The following CPLX4 variants were observed in gnomAD, a reference collection of about 807,000 sequenced individuals.
CPLX4 encodes complexin-4.
In CPLX4, 17 loss-of-function variants were observed where a neutral mutation model predicts 16.1. The ratio of observed to expected loss-of-function variants is 1.06; its 90% CI spans 0.72 to 1.59. The LOEUF is 1.59. CPLX4 is among the 40% of genes most tolerant of loss of function. The pLI is 0.00. For missense variants in CPLX4, 193 were observed against 192.9 expected, an observed-to-expected ratio of 1.00 and a Z score of 0.00; for synonymous variants, 55 against 57.8, an observed-to-expected ratio of 0.95 and a Z score of 0.22.
At chr18:59,318,206 G>C in intron 1 of CPLX4, 90 bp downstream of exon 1, 1 of 1,456,504 alleles carries the variant, frequency 6.9e-7, no homozygotes, top group Non-Finnish European at 9.0e-7. Context: ...ATCTTAAAAA[G>C]CAAAGAGAAA....
At chr18:59,304,588 A>G (rs949958112) in intron 2 of CPLX4, among the ~76,000 whole-genome samples, 6 of 151,796 alleles carry the variant, frequency 4.0e-5, no homozygotes, top group Non-Finnish European at 7.4e-5. Context: ...ATTTTATTTT[A>G]TTGAGATGGA....
At chr18:59,306,876 G>C (rs1394089706) in intron 2 of CPLX4, among the ~76,000 whole-genome samples, 1 of 152,190 alleles carries the variant, frequency 6.6e-6, no homozygotes, top group Non-Finnish European at 1.5e-5. Flanking sequence ...TTAGCTGGAG[G>C]ACATGTTAAA....
intron 2 of CPLX4, among the ~76,000 whole-genome samples, chr18:59,298,096 T>A (rs940813296): frequency 1.6e-4 from 22 of 134,794 alleles, no homozygotes; most frequent in Non-Finnish European, 2.7e-4. Context: ...TTCCTTTATT[T>A]TTTTTTTTTT....
intron 1 of CPLX4, among the ~76,000 whole-genome samples, chr18:59,317,593 C>G (rs950089400): frequency 2.6e-5 from 4 of 152,018 alleles, no homozygotes; most frequent in African/African-American, 9.7e-5. Context: ...TACATGACAT[C>G]TGTAATTTAC....
Position 59,313,172 on chromosome 18 carries a change from G to GGGGAAGCTACATTTTT in CPLX4, c.168-416_168-401dup, listed in dbSNP as rs1430839692. ...CATCAGAATCTCTGGGTGCAGGGGA[G>GGGGAAGCTACATTTTT]GGGAAGCTACATTTTTAGCAAGCTC... On this transcript the variant is annotated intron_variant, in intron 1 of 2. Transcript: ENST00000299721. 2.0e-5 allele frequency among the ~76,000 whole-genome samples: 3 copies of GGGGAAGCTACATTTTT among 152,152 alleles called. No homozygotes were observed. In the East Asian group the frequency reaches 5.8e-4, roughly 29 times the overall value.
intron 2 of CPLX4, among the ~76,000 whole-genome samples, chr18:59,297,640 C>CA (rs1418361544): frequency 6.6e-6 from 1 of 152,184 alleles, no homozygotes; most frequent in Non-Finnish European, 1.5e-5. Context: ...AAAGCTGGGG[C>CA]ATCACACCCC....
At chr18:59,312,276 T>A (rs1222992426) in intron 2 of CPLX4, among the ~76,000 whole-genome samples, 1 of 152,058 alleles carries the variant, frequency 6.6e-6, no homozygotes, top group Non-Finnish European at 1.5e-5. Context: ...AACTCCAGTT[T>A]TTTTTAGCAA....
At chr18:59,298,341 A>T (rs964289218) in intron 2 of CPLX4, among the ~76,000 whole-genome samples, 1 of 152,160 alleles carries the variant, frequency 6.6e-6, no homozygotes, top group Non-Finnish European at 1.5e-5. Context: ...GGAAAGGTTA[A>T]CAGTAGCTTA....
intron 2 of CPLX4, among the ~76,000 whole-genome samples, chr18:59,304,417 G>C (rs1262541782): frequency 6.6e-6 from 1 of 151,974 alleles, no homozygotes; most frequent in Admixed American, 6.6e-5. Flanking sequence ...GAAGAAATAT[G>C]GTGTTTTAAT....
chr18:59,296,235 G>T lies in CPLX4; in HGVS notation c.*463C>A. On this transcript the variant is annotated 3_prime_UTR_variant, in exon 3 of 3. Transcript: ENST00000299721. ...GGGGGTGGTGACCTTTGATTGCCCT[G>T]GAGTCTGTAGACTCAGCTCCCTGTG... The T allele has an allele frequency of 5.2e-6, 1 of 193,222 alleles. No individual in the cohort carries two copies. The highest frequency in any genetic ancestry group is 2.4e-5 in the African/African-American group (1 of 41,742). The allele number at this position is 193,222 out of a possible 1,614,324, so 12.0% of individuals were successfully genotyped here.
Position 59,312,747 on chromosome 18 carries a change from G to T in CPLX4, c.193C>A (p.Gln65Lys). The T allele has an allele frequency of 7.0e-7, 1 of 1,436,304 alleles. No individual in the cohort carries two copies. Among genetic ancestry groups the T allele is most frequent in the Non-Finnish European group, 9.8e-7 (1 of 1,018,516 alleles). The allele number at this position is 1,436,304 out of a possible 1,614,324, so 89.0% of individuals were successfully genotyped here. A position where few individuals can be genotyped will look rare whatever the true frequency, so the allele number is the denominator to read the frequency against. ...AGGCATGCCCTTTCTGCCTTTTTCTGTGTAAATGCAGCATCTCTTTCCATC... is the reference window on the plus strand; with the variant it reads ...AGGCATGCCCTTTCTGCCTTTTTCTTTGTAAATGCAGCATCTCTTTCCATC... Reference protein sequence around the residue: ...EKMERDAAFTQKKAERACLRV... With the variant: ...EKMERDAAFTKKKAERACLRV... The change falls in exon 2 of 3, where the codon CAG becomes AAG. Residue 65 changes from glutamine (Q) to lysine (K), a missense_variant. Physicochemically the swap from Gln to Lys is moderately conservative, Grantham distance 53 (BLOSUM62 1). Coordinates refer to ENST00000299721, the MANE Select transcript of CPLX4 (RefSeq NM_181654.4).
chr18:59,302,112 T>C (rs1434312691), intron 2 of CPLX4, among the ~76,000 whole-genome samples: 1 of 152,164 alleles, frequency 6.6e-6, no homozygotes, highest in African/African-American at 2.4e-5. Flanking sequence ...TTAAGAAGCA[T>C]AAATGGGATT....
At chr18:59,301,807 G>T (rs1028718521) in intron 2 of CPLX4, among the ~76,000 whole-genome samples, 1 of 152,238 alleles carries the variant, frequency 6.6e-6, no homozygotes, top group Non-Finnish European at 1.5e-5. Context: ...TCCCAGATCT[G>T]CCATTCACCA....
intron 2 of CPLX4, among the ~76,000 whole-genome samples, chr18:59,307,009 AC>A (rs2070581102): frequency 6.6e-6 from 1 of 152,146 alleles, no homozygotes; most frequent in Non-Finnish European, 1.5e-5. Context: ...GTTATTAGGA[AC>A]CCACTAGAGT....
intron 1 of CPLX4, among the ~76,000 whole-genome samples, chr18:59,314,293 T>C (rs917493844): frequency 1.3e-5 from 2 of 152,168 alleles, no homozygotes; most frequent in African/African-American, 4.8e-5. Context: ...TACAGAAACG[T>C]TGAAAGAATT....
rs1486529745 is a variant in CPLX4 at position 59,312,904 on chromosome 18, AT to A, written c.168-133del. 5.0e-4 allele frequency: 254 copies of A among 507,802 alleles called. 1 individual carries two copies. In the East Asian group the frequency reaches 8.2e-3, roughly 16 times the overall value. 31.5% of individuals were successfully genotyped at this position (507,802 alleles called of 1,614,324 possible). A position where few individuals can be genotyped will look rare whatever the true frequency, so the allele number is the denominator to read the frequency against. On this transcript the variant is annotated intron_variant, in intron 1 of 2. Transcript: ENST00000299721. ...CTGGCAGACACTTGGGAACTATGGGATTTTTTTCCTAGGTCCCCAAACGTCT... is the reference window on the plus strand; with the variant it reads ...CTGGCAGACACTTGGGAACTATGGGATTTTTTCCTAGGTCCCCAAACGTCT...
At chr18:59,301,161 AG>A (rs1348924491) in intron 2 of CPLX4, among the ~76,000 whole-genome samples, 9 of 152,202 alleles carry the variant, frequency 5.9e-5, no homozygotes, top group Non-Finnish European at 8.8e-5. Flanking sequence ...TCTGCATCGG[AG>A]GCCTGAGAAT....
At chr18:59,311,615 G>T (rs2070617259) in intron 2 of CPLX4, among the ~76,000 whole-genome samples, 1 of 152,188 alleles carries the variant, frequency 6.6e-6, no homozygotes. Context: ...GGCTTCTCCA[G>T]ATGGAAGATG....
At chr18:59,309,849 GAA>G (rs1225652176) in intron 2 of CPLX4, among the ~76,000 whole-genome samples, 2 of 126,616 alleles carry the variant, frequency 1.6e-5, no homozygotes, top group East Asian at 4.7e-4. Context: ...AAAAGAAAAA[GAA>G]AAAAAGAGTA....
Sources: allele counts gnomAD v4.1 joint callset (sites outside exome capture counted in the v4.1 genomes callset), GRCh38; gene constraint gnomAD v4.1.1; transcripts MANE v1.5; gene names NCBI Gene and HGNC (gene_info 2026-07-23, HGNC 2026-07-21).